Variants in SYNE3 observed in about 807,000 individuals in gnomAD.
SYNE3 encodes spectrin repeat containing nuclear envelope family member 3, also known as nesprin-3.
In SYNE3, 100 loss-of-function variants were observed where a neutral mutation model predicts 111.2. The observed-to-expected ratio is 0.90, with a 90% CI of 0.77 to 1.06. The LOEUF (loss-of-function observed/expected upper bound fraction) is 1.06. Ranked by LOEUF, SYNE3 falls within the 50% of genes least tolerant of loss-of-function variation. The pLI, the probability that SYNE3 is intolerant of heterozygous loss-of-function variation, is 0.00. For synonymous variants in SYNE3, 547 were observed against 533.9 expected (o/e 1.02, Z -0.34); for missense variants, 1,160 against 1,240.3 (o/e 0.94, Z 0.97).
At chr14:95,430,296 T>A (rs1160051091) in intron 17 of SYNE3, among the ~76,000 whole-genome samples, 1 of 152,096 alleles carries the variant, frequency 6.6e-6, no homozygotes, top group Non-Finnish European at 1.5e-5. Context: ...AGAGTCGGTC[T>A]GGACACAAGG....
chr14:95,511,037 GAATGTGCTCATAGCACAATGCACTGAAA>G (rs1489533850), intron 1 of SYNE3, among the ~76,000 whole-genome samples: 1 of 152,252 alleles, frequency 6.6e-6, no homozygotes, highest in Non-Finnish European at 1.5e-5. Flanking sequence ...AAGGAGTGAA[GAATGTGCTCATAGCACAATGCACTGAAA>G]ACAAAAGTGG....
At chr14:95,428,011 C>T (rs186546767) in intron 17 of SYNE3, among the ~76,000 whole-genome samples, 119 of 152,242 alleles carry the variant, frequency 7.8e-4, no homozygotes, top group Middle Eastern at 6.8e-3. Flanking sequence ...TTTTACAAAC[C>T]GCTAAGAAAG....
At chr14:95,482,133 A>G (rs1889297281) in intron 1 of SYNE3, among the ~76,000 whole-genome samples, 1 of 152,186 alleles carries the variant, frequency 6.6e-6, no homozygotes, top group African/African-American at 2.4e-5. Context: ...CCCTAACAGC[A>G]GTTTTTAAAA....
At chr14:95,511,876 C>T (rs10131178) in intron 1 of SYNE3, among the ~76,000 whole-genome samples, 3,804 of 152,228 alleles carry the variant, frequency 0.025, 146 homozygotes, top group African/African-American at 0.086. Flanking sequence ...GCATGAGAGT[C>T]ACACAGCTGT....
rs200955332 is a variant in SYNE3 at position 95,439,698 on chromosome 14, C to T, written c.2160G>A (p.Pro720=). 8.4e-5 allele frequency: 135 copies of T among 1,614,214 alleles called. 1 individual carries two copies. Among genetic ancestry groups the T allele is most frequent in the Admixed American group, 4.2e-4 (25 of 60,030 alleles). ...QGWLVMEKSS[P]EGAAVVQEEL... ...CCTCCTGCACCACGGCAGCACCCTC[C>T]GGAGAAGACTTCTCCATCACCAGCC... The change falls in exon 13 of 18, where the codon CCG becomes CCA. Residue 720 remains proline, a synonymous_variant. Coordinates refer to ENST00000682763, the MANE Select transcript of SYNE3 (RefSeq NM_152592.6).
chr14:95,490,017 T>A (rs1889768703), intron 1 of SYNE3, among the ~76,000 whole-genome samples: 1 of 152,218 alleles, frequency 6.6e-6, no homozygotes. Context: ...CCCAGTTTCC[T>A]CAATGGTCAG....
Position 95,409,021 on chromosome 14 carries a change from G to A in SYNE3, c.*8805C>T, listed in dbSNP as rs1903360209. On this transcript the variant is annotated 3_prime_UTR_variant, in exon 18 of 18. Coordinates refer to ENST00000682763, the MANE Select transcript of SYNE3 (RefSeq NM_152592.6). ...GGACTTCCCCGCAGGAGTGGGCACA[G>A]GAGGAAAGCAGCATGCTGCCCCTGC... 2.5e-6 allele frequency: 1 copy of A among 399,172 alleles called. No homozygotes were observed. The highest frequency in any genetic ancestry group is 5.1e-6 in the Non-Finnish European group (1 of 196,676). The allele number at this position is 399,172 out of a possible 1,614,324, so 24.7% of individuals were successfully genotyped here. A position where few individuals can be genotyped will look rare whatever the true frequency, so the allele number is the denominator to read the frequency against.
rs573433134 is a variant in SYNE3, at chr14:95,485,859, G to A, written c.-14-10024C>T. On this transcript the variant is annotated intron_variant, in intron 1 of 17. Coordinates refer to ENST00000682763, the MANE Select transcript of SYNE3 (RefSeq NM_152592.6). This position sits in a 1 kb window ranked among gnomAD's most constrained non-coding sequence, Gnocchi z 4.3. Reference sequence around the variant, plus strand: ...ACCTCCTTCGTGGAGCTCAGCACCTGCTCTGAGTCAATATTAATGAATGCA... The same window carrying A: ...ACCTCCTTCGTGGAGCTCAGCACCTACTCTGAGTCAATATTAATGAATGCA... 1.0e-3 allele frequency among the ~76,000 whole-genome samples: 155 copies of A among 152,252 alleles called. No individual in the cohort carries two copies. The highest frequency in any genetic ancestry group is 3.5e-3 in the African/African-American group (146 of 41,530).
Position 95,457,198 on chromosome 14 carries a change from C to T in SYNE3, c.768G>A (p.Thr256=), listed in dbSNP as rs199933579. The change falls in exon 5 of 18, where the codon ACG becomes ACA. Residue 256 remains threonine, a synonymous_variant. Coordinates refer to ENST00000682763, the MANE Select transcript of SYNE3 (RefSeq NM_152592.6). The part of the protein sequence containing the change: ...CLGRNCKLPI[T]QRLSTLQDIA... ...TTACCTGCAGTGTGGAGAGGCGCTG[C>T]GTGATGGGCAGCTTGCAGTTCCGCC... is the stretch of plus-strand genomic sequence containing the variant. 1.1e-4 allele frequency: 178 copies of T among 1,613,872 alleles called. 2 individuals are homozygous for T. In the East Asian group the frequency reaches 3.1e-3, roughly 28 times the overall value.
rs1903314953 is a variant in SYNE3, at chr14:95,407,669, TA to T, written c.*10156del. 1 of 152,172 alleles carries T rather than the reference TA, an allele frequency of 6.6e-6. No individual in the cohort carries two copies. The highest frequency in any genetic ancestry group is 2.1e-4 in the South Asian group (1 of 4,832). 9.4% of individuals were successfully genotyped at this position (152,172 alleles called of 1,614,324 possible). A position where few individuals can be genotyped will look rare whatever the true frequency, so the allele number is the denominator to read the frequency against. On this transcript the variant is annotated 3_prime_UTR_variant, in exon 18 of 18. Coordinates refer to ENST00000682763, the MANE Select transcript of SYNE3 (RefSeq NM_152592.6). ...CGTATTGTTTACATAATAGAATATT[TA>T]AAACAATGGAATGTGTTTGTCTTTG...
chr14:95,462,538 C>A (rs1414083321), intron 4 of SYNE3, among the ~76,000 whole-genome samples: 11 of 152,388 alleles, frequency 7.2e-5, no homozygotes, highest in African/African-American at 2.6e-4. Context: ...CCTCACCGCA[C>A]CCCAAACCTC....
chr14:95,475,044 G>A (rs960455796), intron 2 of SYNE3, among the ~76,000 whole-genome samples: 24 of 152,204 alleles, frequency 1.6e-4, no homozygotes, highest in Non-Finnish European at 2.1e-4. Flanking sequence ...TTATAACTCC[G>A]GCCTCCGACT....
chr14:95,474,156 G>GT (rs1290159154), intron 2 of SYNE3, among the ~76,000 whole-genome samples: 2 of 152,202 alleles, frequency 1.3e-5, no homozygotes, highest in African/African-American at 4.8e-5. Flanking sequence ...AGCTAAGGCT[G>GT]GTGTGATCTT....
chr14:95,485,110 T>G lies in SYNE3; in HGVS notation c.-14-9275A>C, dbSNP rs1442771551. On this transcript the variant is annotated intron_variant, in intron 1 of 17. Transcript: ENST00000682763. The surrounding 1 kb of genome is among the most constrained non-coding windows in gnomAD (Gnocchi z 4.3). The stretch of plus-strand genomic sequence containing the variant: ...TCCCGTAGATGAGAACAGATGATTC[T>G]AACCATGGGCGTGAGTGTGTATTTG... 6.6e-6 allele frequency among the ~76,000 whole-genome samples: 1 copy of G among 152,194 alleles called. No homozygotes were observed. The highest frequency in any genetic ancestry group is 1.5e-5 in the Non-Finnish European group (1 of 68,036).
chr14:95,446,478 C>A (rs575984385), intron 8 of SYNE3, among the ~76,000 whole-genome samples: 1 of 152,306 alleles, frequency 6.6e-6, no homozygotes, highest in East Asian at 1.9e-4. Context: ...TGGCTCCCCA[C>A]CACTGGCCCA....
At chr14:95,491,485 C>T (rs984643728) in intron 1 of SYNE3, among the ~76,000 whole-genome samples, 1 of 152,092 alleles carries the variant, frequency 6.6e-6, no homozygotes, top group Non-Finnish European at 1.5e-5. Context: ...AAAGGATAAT[C>T]TTTTCAACAG....
At chr14:95,425,284 G>T (rs997690691) in intron 17 of SYNE3, among the ~76,000 whole-genome samples, 3 of 151,936 alleles carry the variant, frequency 2.0e-5, no homozygotes, top group Non-Finnish European at 4.4e-5. Flanking sequence ...GAAATGAGCT[G>T]TCAAGCCACA....
chr14:95,453,509 C>T (rs78514201), intron 6 of SYNE3, among the ~76,000 whole-genome samples: 2,363 of 152,364 alleles, frequency 0.016, 31 homozygotes, highest in Middle Eastern at 0.031. Flanking sequence ...AGAATCTGCC[C>T]AGCCAGCCCT....
intron 4 of SYNE3, among the ~76,000 whole-genome samples, chr14:95,462,406 A>G (rs1031891600): frequency 3.3e-5 from 5 of 152,112 alleles, no homozygotes; most frequent in African/African-American, 4.8e-5. Flanking sequence ...CCAAAACTGA[A>G]TTCACTTCTC....
Sources: allele counts gnomAD v4.1 joint callset (sites outside exome capture counted in the v4.1 genomes callset), GRCh38; gene constraint gnomAD v4.1.1; non-coding constraint Gnocchi (gnomAD v3.1); transcripts MANE v1.5; gene names NCBI Gene and HGNC (gene_info 2026-07-23, HGNC 2026-07-21).